CACNA1E: variants seen among roughly 807,000 people sequenced by gnomAD.
The protein encoded by CACNA1E is calcium voltage-gated channel subunit alpha1 E.
A neutral mutation model predicts 259.2 loss-of-function variants in CACNA1E; 40 were observed. The ratio of observed to expected loss-of-function variants is 0.15; its 90% CI spans 0.12 to 0.20. The LOEUF is 0.20. Among genes scored for constraint, CACNA1E ranks in the 10% least tolerant of loss-of-function variants. The pLI, the probability that CACNA1E is intolerant of heterozygous loss-of-function variation, is 1.00. For synonymous variants in CACNA1E, 1,104 were observed against 1,138.5 expected (o/e 0.97, Z 0.61); for missense variants, 1,874 against 3,040.1 (o/e 0.62, Z 9.02).
At chr1:181,734,124 T>C (rs764661491) in intron 21 of CACNA1E, among the ~76,000 whole-genome samples, 15 of 152,086 alleles carry the variant, frequency 9.9e-5, no homozygotes, top group Non-Finnish European at 1.6e-4. Context: ...TCTGATGGAG[T>C]GGACCATGGC....
chr1:181,771,454 C>T (rs1242770559), intron 36 of CACNA1E, 70 bp downstream of exon 36: 2 of 800,718 alleles, frequency 2.5e-6, no homozygotes. Context: ...TCTGCCTCTT[C>T]CTCCCATTTC....
At chr1:181,580,859 C>A in intron 6 of CACNA1E, 83 bp downstream of exon 6, 1 of 1,264,130 alleles carries the variant, frequency 7.9e-7, no homozygotes, top group South Asian at 1.3e-5. Flanking sequence ...CTGGCTAGTC[C>A]GGGGACAGGG....
At chr1:181,438,208 A>G (rs1660218430) in intron 2 of CACNA1E, among the ~76,000 whole-genome samples, 1 of 152,182 alleles carries the variant, frequency 6.6e-6, no homozygotes, top group African/African-American at 2.4e-5. Context: ...AGAACATGAT[A>G]TGCACGGCCA....
At chr1:181,511,944 C>T (rs1234116749) in intron 3 of CACNA1E, among the ~76,000 whole-genome samples, 1 of 152,192 alleles carries the variant, frequency 6.6e-6, no homozygotes, top group Non-Finnish European at 1.5e-5. Context: ...TTGGAGAAGA[C>T]CTCAGCCATA....
At chr1:181,560,625 G>A (rs1029980868) in intron 3 of CACNA1E, among the ~76,000 whole-genome samples, 1 of 152,040 alleles carries the variant, frequency 6.6e-6, no homozygotes, top group Non-Finnish European at 1.5e-5. Context: ...GTCTTTCTGT[G>A]GAAAACCAGT....
intron 1 of CACNA1E, among the ~76,000 whole-genome samples, chr1:181,486,615 T>C (rs1663840214): frequency 1.3e-5 from 2 of 152,228 alleles, no homozygotes; most frequent in African/African-American, 4.8e-5. Context: ...ACCAGCTTTC[T>C]GACCTTGAAA....
At chr1:181,543,511 A>T (rs1046233862) in intron 3 of CACNA1E, among the ~76,000 whole-genome samples, 1 of 152,144 alleles carries the variant, frequency 6.6e-6, no homozygotes, top group African/African-American at 2.4e-5. Flanking sequence ...TATGATGGGA[A>T]TAGTGCTTTC....
At chr1:181,725,129 A>G (rs1654780163) in intron 17 of CACNA1E, among the ~76,000 whole-genome samples, 1 of 152,218 alleles carries the variant, frequency 6.6e-6, no homozygotes, top group Non-Finnish European at 1.5e-5. Context: ...GATGAGTAAA[A>G]ACCCTTCTCT....
Position 181,736,444 on chromosome 1 carries a change from C to T in CACNA1E, c.3422+10C>T, listed in dbSNP as rs1468612771. 4.4e-6 allele frequency: 7 copies of T among 1,608,600 alleles called. No homozygotes were observed. The highest frequency in any genetic ancestry group is 1.3e-5 in the African/African-American group (1 of 74,796). On this transcript the variant is annotated intron_variant, in intron 22 of 47. Coordinates refer to ENST00000367573, the MANE Select transcript of CACNA1E (RefSeq NM_001205293.3). ...TCAGCACCACCAACCCGTAAGCCAC[C>T]CTCGCGTTGCTCCCTCTTTAGTGCT...
At chr1:181,423,662 A>ATTTTT (rs11302089) in intron 2 of CACNA1E, among the ~76,000 whole-genome samples, 1,744 of 131,016 alleles carry the variant, frequency 0.013, 74 homozygotes, top group African/African-American at 0.051. Context: ...CATTGGGCCA[A>ATTTTT]TTTTTTTTTT....
At chr1:181,540,433 A>G (rs1385917092) in intron 3 of CACNA1E, among the ~76,000 whole-genome samples, 1 of 152,234 alleles carries the variant, frequency 6.6e-6, no homozygotes, top group Non-Finnish European at 1.5e-5. Context: ...GAACAAATTA[A>G]CAAATGAATG....
chr1:181,389,253 G>A (rs925855423), intron 1 of CACNA1E, among the ~76,000 whole-genome samples: 1 of 152,168 alleles, frequency 6.6e-6, no homozygotes, highest in Non-Finnish European at 1.5e-5. Flanking sequence ...CATTTTAGCA[G>A]CACCATCATC....
At position 181,798,912 on chromosome 1, in the gene CACNA1E, C is replaced by T. The variant is rs77895050; in HGVS notation, c.*78C>T. On this transcript the variant is annotated 3_prime_UTR_variant, in exon 48 of 48. Transcript: ENST00000367573. The surrounding 1 kb of genome is among the most constrained non-coding windows in gnomAD (Gnocchi z 4.2). ...ACAGAATTGGGAAGCCAGTGCGGCC[C>T]GGGGGGGAGGAAGAGGGAAAAGGAA... is the stretch of plus-strand genomic sequence containing the variant. The T allele has an allele frequency of 3.5e-5, 46 of 1,309,154 alleles. 1 individual carries two copies. The highest frequency in any genetic ancestry group is 5.9e-5 in the African/African-American group (4 of 67,810). 81.1% of individuals were successfully genotyped at this position (1,309,154 alleles called of 1,614,324 possible). A position where few individuals can be genotyped will look rare whatever the true frequency, so the allele number is the denominator to read the frequency against.
At chr1:181,692,503 C>G (rs1472713047) in intron 7 of CACNA1E, among the ~76,000 whole-genome samples, 1 of 152,040 alleles carries the variant, frequency 6.6e-6, no homozygotes, top group Admixed American at 6.6e-5. Flanking sequence ...AGGCTGCAAA[C>G]CTACAGCCAT....
chr1:181,457,559 C>T (rs565633461), intron 2 of CACNA1E, among the ~76,000 whole-genome samples: 1 of 152,334 alleles, frequency 6.6e-6, no homozygotes, highest in South Asian at 2.1e-4. Context: ...TGGTGCTGGT[C>T]AGCTCGGACA....
chr1:181,752,042 A>G lies in CACNA1E; in HGVS notation c.3732-101A>G, dbSNP rs568839173. 408 of 860,004 alleles carry G rather than the reference A, an allele frequency of 4.7e-4. No individual in the cohort carries two copies. The African/African-American group carries it at 6.3e-3, about 13-fold the overall frequency. The allele number at this position is 860,004 out of a possible 1,614,324, so 53.3% of individuals were successfully genotyped here. A position where few individuals can be genotyped will look rare whatever the true frequency, so the allele number is the denominator to read the frequency against. ...CTTCTTGCCTCCATCTCTCCCATAC[A>G]TCTCTCCCCTTTTAGCCTGTTGTTA... is the stretch of plus-strand genomic sequence containing the variant. On this transcript the variant is annotated intron_variant, in intron 26 of 47. Coordinates refer to ENST00000367573, the MANE Select transcript of CACNA1E (RefSeq NM_001205293.3).
intron 1 of CACNA1E, among the ~76,000 whole-genome samples, chr1:181,343,008 A>G (rs1442047878): frequency 6.6e-6 from 1 of 152,020 alleles, no homozygotes; most frequent in African/African-American, 2.4e-5. Context: ...AAATCACAGG[A>G]CAGGGGGTGG....
chr1:181,356,094 C>T (rs1303431067), intron 1 of CACNA1E, among the ~76,000 whole-genome samples: 1 of 152,142 alleles, frequency 6.6e-6, no homozygotes. Flanking sequence ...CAGCCTGACT[C>T]AGGGCCATCA....
rs3845441 is a variant in CACNA1E, at chr1:181,686,616, C to A, written c.1056-24338C>A. ...CCAAGTTTTTTAAGGGATGGCTTCA[C>A]GTCTGAGTTTTGGCCTTTCACACTG... On this transcript the variant is annotated intron_variant, in intron 7 of 47. Coordinates refer to ENST00000367573, the MANE Select transcript of CACNA1E (RefSeq NM_001205293.3). Among the ~76,000 whole-genome samples, 397 of 152,210 alleles carry A rather than the reference C, an allele frequency of 2.6e-3. 5 individuals are homozygous for A. Among genetic ancestry groups the A allele is most frequent in the African/African-American group, 9.2e-3 (381 of 41,514 alleles).
Sources: gnomAD v4.1 joint callset for allele counts (sites outside exome capture counted in the v4.1 genomes callset) on GRCh38, gnomAD v4.1.1 for gene constraint, Gnocchi (gnomAD v3.1) non-coding constraint, MANE v1.5 for transcripts, NCBI Gene and HGNC (gene_info 2026-07-23, HGNC 2026-07-21) for gene names.